SMYD4: variants seen among roughly 807,000 people sequenced by gnomAD.
SMYD4 encodes the protein SET and MYND domain containing 4, also known as protein-lysine N-methyltransferase SMYD4.
In SMYD4, 68 loss-of-function variants were observed where a neutral mutation model predicts 72.8. The observed-to-expected ratio is 0.93, with a 90% CI of 0.77 to 1.14. The LOEUF (loss-of-function observed/expected upper bound fraction) is 1.14. Among genes scored for constraint, SMYD4 ranks in the 50% most tolerant of loss-of-function variants. SMYD4 has a pLI of 0.00. For synonymous variants in SMYD4, 407 were observed against 388.6 expected, an observed-to-expected ratio of 1.05 and a Z score of -0.56; for missense variants, 984 against 1,003.7, an observed-to-expected ratio of 0.98 and a Z score of 0.27.
At chr17:1,827,117 C>A (rs2151258385) in intron 2 of SMYD4, among the ~76,000 whole-genome samples, 1 of 152,086 alleles carries the variant, frequency 6.6e-6, no homozygotes, top group South Asian at 2.1e-4. Flanking sequence ...TGTGCCACTG[C>A]ACTCCAGACT....
chr17:1,797,800 G>C (rs1298599797), intron 5 of SMYD4, among the ~76,000 whole-genome samples: 1 of 152,060 alleles, frequency 6.6e-6, no homozygotes, highest in South Asian at 2.1e-4. Flanking sequence ...TCAGGAGTTC[G>C]AGACCAGCCT....
chr17:1,791,210 C>T (rs1258724155), intron 5 of SMYD4, among the ~76,000 whole-genome samples: 1 of 150,608 alleles, frequency 6.6e-6, no homozygotes, highest in Non-Finnish European at 1.5e-5. Context: ...GGACACAGAA[C>T]CCCAATAAAA....
intron 2 of SMYD4, among the ~76,000 whole-genome samples, chr17:1,824,463 G>A (rs1475577939): frequency 1.3e-5 from 2 of 152,138 alleles, no homozygotes; most frequent in Non-Finnish European, 2.9e-5. Context: ...TGGCGTGGCT[G>A]TGTCCCCACC....
At chr17:1,787,027 A>G (rs1435059537) in intron 6 of SMYD4, 54 bp from the exon 7 acceptor site, 2 of 1,597,232 alleles carry the variant, frequency 1.3e-6, no homozygotes, top group Non-Finnish European at 1.7e-6. Context: ...GTCAAACACT[A>G]CGTAAAAACC....
At chr17:1,816,027 T>G (rs1309623566) in intron 2 of SMYD4, among the ~76,000 whole-genome samples, 1 of 152,046 alleles carries the variant, frequency 6.6e-6, no homozygotes, top group East Asian at 1.9e-4. Context: ...AAGCATACAG[T>G]TCACTGGCAT....
rs779055862 is a variant in SMYD4 at position 1,781,427 on chromosome 17, G to A, written c.2274C>T (p.Pro758=). 7 of 1,613,668 alleles carry A rather than the reference G, an allele frequency of 4.3e-6. No individual in the cohort carries two copies. Among genetic ancestry groups the A allele is most frequent in the East Asian group, 2.2e-5 (1 of 44,886 alleles). Residue 758 remains proline, a synonymous_variant, in exon 11 of 11, where the codon CCC becomes CCT. Transcript: ENST00000305513. ...AQIFFNGFAV[P]EALSTIQKAE... Reference sequence around the variant, plus strand: ...CTTTCTGTATTGTGCTCAGGGCTTCGGGTACTGCAAACCTGAGCCAAGGGA... The same window carrying A: ...CTTTCTGTATTGTGCTCAGGGCTTCAGGTACTGCAAACCTGAGCCAAGGGA...
Position 1,797,471 on chromosome 17 carries a change from C to A in SMYD4, c.1537+2386G>T, listed in dbSNP as rs144399318. 2.8e-3 allele frequency among the ~76,000 whole-genome samples: 429 copies of A among 152,318 alleles called. 2 individuals carry two copies. Among genetic ancestry groups the A allele is most frequent in the Non-Finnish European group, 5.2e-3 (352 of 68,028 alleles). ...TTCTCGGCACATCCAACCTTCCCATCTATCTTAAGTAGTGTTATCTATAGG... is the reference window on the plus strand; with the variant it reads ...TTCTCGGCACATCCAACCTTCCCATATATCTTAAGTAGTGTTATCTATAGG... On this transcript the variant is annotated intron_variant, in intron 5 of 10. Transcript: ENST00000305513.
chr17:1,799,234 G>C (rs1310139169), intron 5 of SMYD4, among the ~76,000 whole-genome samples: 1 of 151,568 alleles, frequency 6.6e-6, no homozygotes, highest in South Asian at 2.1e-4. Flanking sequence ...ACCCCAGCCT[G>C]GGGGTGACAG....
intron 2 of SMYD4, among the ~76,000 whole-genome samples, chr17:1,821,500 G>A (rs900795537): frequency 6.6e-6 from 1 of 152,032 alleles, no homozygotes; most frequent in African/African-American, 2.4e-5. Context: ...GGTGACAAGA[G>A]CGAAACTCTG....
chr17:1,819,037 T>C (rs1426296675), intron 2 of SMYD4, among the ~76,000 whole-genome samples: 4 of 152,066 alleles, frequency 2.6e-5, no homozygotes, highest in Non-Finnish European at 5.9e-5. Context: ...TGTTTCCTCA[T>C]GGTTAGATTC....
chr17:1,792,761 G>A (rs998786494), intron 5 of SMYD4, among the ~76,000 whole-genome samples: 4 of 152,106 alleles, frequency 2.6e-5, no homozygotes, highest in Non-Finnish European at 5.9e-5. Context: ...TATCTACTTC[G>A]ATACAGTGCT....
At chr17:1,815,504 C>CT (rs35091572) in intron 2 of SMYD4, among the ~76,000 whole-genome samples, 64 of 133,616 alleles carry the variant, frequency 4.8e-4, no homozygotes, top group East Asian at 3.1e-3. Context: ...CCAGCCGATT[C>CT]TTTTTTTTTT....
Position 1,800,272 on chromosome 17 carries a change from A to G in SMYD4, c.1122T>C (p.Ile374=), listed in dbSNP as rs9890631. 1 of 1,614,112 alleles carries G rather than the reference A, an allele frequency of 6.2e-7. No individual in the cohort carries two copies. The highest frequency in any genetic ancestry group is 2.2e-5 in the East Asian group (1 of 44,886). ...RKIITKLCDK[I]SNKDICLPES... ...CAGGTAAACAGATGTCCTTGTTACT[A>G]ATCTTATCACAAAGCTTCGTTATGA... is the stretch of plus-strand genomic sequence containing the variant. The change falls in exon 5 of 11, where the codon ATT becomes ATC. Residue 374 remains isoleucine, a synonymous_variant. Transcript: ENST00000305513.
At chr17:1,791,927 A>ATACG (rs2151225069) in intron 5 of SMYD4, among the ~76,000 whole-genome samples, 1 of 152,316 alleles carries the variant, frequency 6.6e-6, no homozygotes, top group Non-Finnish European at 1.5e-5. Context: ...TACAAAAGGA[A>ATACG]TACGTGGTAG....
intron 7 of SMYD4, among the ~76,000 whole-genome samples, chr17:1,786,507 C>G (rs1263458384): frequency 6.6e-6 from 1 of 152,200 alleles, no homozygotes; most frequent in Non-Finnish European, 1.5e-5. Flanking sequence ...TGTCACTGTG[C>G]CCAGCCTATC....
intron 5 of SMYD4, among the ~76,000 whole-genome samples, chr17:1,792,531 C>T (rs2151225693): frequency 6.6e-6 from 1 of 152,206 alleles, no homozygotes; most frequent in African/African-American, 2.4e-5. Context: ...AGCCCAGCTA[C>T]TTGGGTGCCT....
chr17:1,828,427 T>C (rs2151259673), intron 1 of SMYD4, among the ~76,000 whole-genome samples: 1 of 152,174 alleles, frequency 6.6e-6, no homozygotes, highest in South Asian at 2.1e-4. Flanking sequence ...TGTGGTCTTT[T>C]CCTCTAGTTT....
intron 2 of SMYD4, among the ~76,000 whole-genome samples, chr17:1,823,113 G>A (rs907648520): frequency 2.6e-5 from 4 of 151,460 alleles, no homozygotes; most frequent in South Asian, 4.2e-4. Context: ...GCTCACGCCT[G>A]TAATCCCAGC....
At chr17:1,807,732 T>A (rs949550532) in intron 3 of SMYD4, among the ~76,000 whole-genome samples, 1 of 152,158 alleles carries the variant, frequency 6.6e-6, no homozygotes, top group African/African-American at 2.4e-5. Flanking sequence ...AAAGGCATGG[T>A]GCTGAACAAT....
Sources: allele counts gnomAD v4.1 joint callset (sites outside exome capture counted in the v4.1 genomes callset), GRCh38; gene constraint gnomAD v4.1.1; transcripts MANE v1.5; gene names NCBI Gene and HGNC (gene_info 2026-07-23, HGNC 2026-07-21).